PDE7B: variants seen among roughly 807,000 people sequenced by gnomAD.
PDE7B encodes the protein phosphodiesterase 7B, also known as 3',5'-cyclic-AMP phosphodiesterase 7B.
Under a neutral mutation model 56.2 loss-of-function variants are expected in PDE7B, and 29 were observed. The observed-to-expected ratio is 0.52, with a 90% CI of 0.38 to 0.70. PDE7B has a LOEUF of 0.70. Ranked by LOEUF, PDE7B falls within the 30% of genes least tolerant of loss-of-function variation. The pLI is 0.00. For missense variants in PDE7B, 490 were observed against 565.0 expected (o/e 0.87, Z 1.35); for synonymous variants, 197 against 196.9 (o/e 1.00, Z 0.00).
chr6:135,893,530 T>C (rs995490199), intron 1 of PDE7B, among the ~76,000 whole-genome samples: 3 of 152,072 alleles, frequency 2.0e-5, no homozygotes, highest in African/African-American at 7.2e-5. Context: ...CTGGAGAGGA[T>C]GTGGAGAAAT....
chr6:136,002,441 G>A (rs1775688444), intron 2 of PDE7B, among the ~76,000 whole-genome samples: 1 of 152,166 alleles, frequency 6.6e-6, no homozygotes, highest in Non-Finnish European at 1.5e-5. Flanking sequence ...TCAGTGTGCT[G>A]TATTCAGGAA....
intron 1 of PDE7B, among the ~76,000 whole-genome samples, chr6:135,931,838 C>T (rs556012386): frequency 1.3e-5 from 2 of 152,212 alleles, no homozygotes; most frequent in Non-Finnish European, 1.5e-5. Context: ...TGTGTACAAA[C>T]ATGCACACAA....
intron 3 of PDE7B, among the ~76,000 whole-genome samples, chr6:136,134,852 C>G (rs1778184699): frequency 6.6e-6 from 1 of 151,460 alleles, no homozygotes; most frequent in Non-Finnish European, 1.5e-5. Flanking sequence ...AGCGATGCAG[C>G]AGGGGTGCAG....
intron 2 of PDE7B, among the ~76,000 whole-genome samples, chr6:136,042,232 G>A (rs1776425411): frequency 6.6e-6 from 1 of 152,194 alleles, no homozygotes; most frequent in African/African-American, 2.4e-5. Context: ...ATGCACCCAT[G>A]TGGGGAGTGG....
intron 3 of PDE7B, among the ~76,000 whole-genome samples, chr6:136,138,427 A>T (rs1021245872): frequency 4.6e-5 from 7 of 152,074 alleles, no homozygotes; most frequent in Admixed American, 1.3e-4. Context: ...TCAGCTTCTT[A>T]TATCTTCGTT....
chr6:136,003,861 C>A (rs2128206366), intron 2 of PDE7B, among the ~76,000 whole-genome samples: 1 of 152,304 alleles, frequency 6.6e-6, no homozygotes. Context: ...ATAAGGCCAG[C>A]ATCATCCTGA....
chr6:135,958,379 T>TTTTGAGGAC (rs1774838051), intron 2 of PDE7B, among the ~76,000 whole-genome samples: 2 of 152,336 alleles, frequency 1.3e-5, no homozygotes, highest in Non-Finnish European at 2.9e-5. Context: ...TTTAAAATGT[T>TTTTGAGGAC]CCAGAGACAA....
chr6:135,990,647 G>C (rs1277925370), intron 2 of PDE7B, among the ~76,000 whole-genome samples: 1 of 152,154 alleles, frequency 6.6e-6, no homozygotes, highest in Non-Finnish European at 1.5e-5. Flanking sequence ...TGGTGACTAT[G>C]GTTAATGACG....
intron 3 of PDE7B, among the ~76,000 whole-genome samples, chr6:136,143,093 T>G (rs966582659): frequency 1.3e-5 from 2 of 152,174 alleles, no homozygotes; most frequent in Non-Finnish European, 2.9e-5. Flanking sequence ...TGGTACTGGT[T>G]GTTCCTTTCC....
chr6:136,024,415 C>A (rs1012919742), intron 2 of PDE7B, among the ~76,000 whole-genome samples: 1 of 152,028 alleles, frequency 6.6e-6, no homozygotes. Flanking sequence ...CCTTTATCAT[C>A]TTTTTCTTTC....
At chr6:136,190,604 G>A (rs1359395060) in intron 12 of PDE7B, among the ~76,000 whole-genome samples, 2 of 152,164 alleles carry the variant, frequency 1.3e-5, no homozygotes, top group Non-Finnish European at 2.9e-5. Flanking sequence ...AGTTTGTGAT[G>A]ATTCCAACAG....
At chr6:135,882,800 C>T (rs750314658) in intron 1 of PDE7B, among the ~76,000 whole-genome samples, 1 of 152,010 alleles carries the variant, frequency 6.6e-6, no homozygotes, top group Non-Finnish European at 1.5e-5. Context: ...ATTGTCTTCC[C>T]CTATTTGAAC....
chr6:136,038,199 G>T, intron 2 of PDE7B: 1 of 1,299,406 alleles, frequency 7.7e-7, no homozygotes. Context: ...AGCAGCAGCA[G>T]CAGCAGAAGC....
chr6:136,038,091 G>A, intron 2 of PDE7B: 1 of 1,335,160 alleles, frequency 7.5e-7, no homozygotes, highest in Non-Finnish European at 9.9e-7. Flanking sequence ...AGACAGGGAG[G>A]TTGTGCCAGG....
intron 1 of PDE7B, among the ~76,000 whole-genome samples, chr6:135,938,041 T>C (rs1774451449): frequency 6.6e-6 from 1 of 152,252 alleles, no homozygotes; most frequent in Non-Finnish European, 1.5e-5. Context: ...TTACTCCCTG[T>C]ACTCTACAAT....
intron 1 of PDE7B, among the ~76,000 whole-genome samples, chr6:135,882,356 A>C (rs1775626179): frequency 6.6e-6 from 1 of 152,168 alleles, no homozygotes; most frequent in Non-Finnish European, 1.5e-5. Context: ...CAACTAAGTA[A>C]AAATTATTTC....
intron 1 of PDE7B, among the ~76,000 whole-genome samples, chr6:135,857,064 C>T (rs12199674): frequency 3.2e-4 from 36 of 113,468 alleles, no homozygotes; most frequent in African/African-American, 9.9e-4. Flanking sequence ...CTTCCTTCCT[C>T]CCTTCCTTCC....
chr6:135,931,968 C>T (rs1170403563), intron 1 of PDE7B, among the ~76,000 whole-genome samples: 2 of 151,960 alleles, frequency 1.3e-5, no homozygotes, highest in African/African-American at 4.8e-5. Flanking sequence ...CACACACACA[C>T]ACACACACAC....
At position 136,001,995 on chromosome 6, in the gene PDE7B, G is replaced by A. The variant is rs565501366; in HGVS notation, c.82+54471G>A. ...AAGGGAAGCCCATCAGACTAACAGC[G>A]GATCTCTCGGCAGAAACTCTATAAG... On this transcript the variant is annotated intron_variant, in intron 2 of 12. Coordinates refer to ENST00000308191, the MANE Select transcript of PDE7B (RefSeq NM_018945.4). Among the ~76,000 whole-genome samples the A allele has an allele frequency of 7.2e-5, 11 of 152,238 alleles. No individual in the cohort carries two copies. The South Asian group carries it at 1.0e-3, about 14-fold the overall frequency.
Sources: allele counts gnomAD v4.1 joint callset (sites outside exome capture counted in the v4.1 genomes callset), GRCh38; gene constraint gnomAD v4.1.1; transcripts MANE v1.5; gene names NCBI Gene and HGNC (gene_info 2026-07-23, HGNC 2026-07-21).